The following ADGRD1 variants were observed in gnomAD, a reference collection of about 807,000 sequenced individuals.
The protein encoded by ADGRD1 is G-protein coupled receptor 133.
In ADGRD1, 77 loss-of-function variants were observed where a neutral mutation model predicts 113.4. That is an observed-to-expected ratio of 0.68 (90% CI 0.57 to 0.82). ADGRD1 has a LOEUF of 0.82. ADGRD1 is among the 40% of genes least tolerant of loss of function. The pLI, the probability that ADGRD1 is intolerant of heterozygous loss-of-function variation, is 0.00. For synonymous variants in ADGRD1, 474 were observed against 475.0 expected, an observed-to-expected ratio of 1.00 and a Z score of 0.03; for missense variants, 1,036 against 1,139.1, an observed-to-expected ratio of 0.91 and a Z score of 1.30.
chr12:131,093,375 G>T (rs1221381792), intron 15 of ADGRD1, among the ~76,000 whole-genome samples: 1 of 152,196 alleles, frequency 6.6e-6, no homozygotes, highest in Admixed American at 6.5e-5. Context: ...GGGCACCGTG[G>T]GGGCACACCA....
At position 131,103,610 on chromosome 12, in the gene ADGRD1, C is replaced by T. The variant is rs372419665; in HGVS notation, c.1672-1221C>T. On this transcript the variant is annotated intron_variant, in intron 15 of 24. Coordinates refer to ENST00000261654, the MANE Select transcript of ADGRD1 (RefSeq NM_198827.5). ...CCTGAGCTGGGGCCCCCTGGGCCTG[C>T]GGCATCTCCTCCCTCATTGCCAACA... 1.1e-4 allele frequency among the ~76,000 whole-genome samples: 17 copies of T among 152,376 alleles called. 1 individual carries two copies. The South Asian group carries it at 1.4e-3, about 13-fold the overall frequency.
chr12:130,968,691 C>A, intron 3 of ADGRD1: 1 of 436,606 alleles, frequency 2.3e-6, no homozygotes, highest in Non-Finnish European at 4.1e-6. Context: ...AAGTATCTGC[C>A]TATGTGTTGG....
intron 4 of ADGRD1, among the ~76,000 whole-genome samples, chr12:130,980,005 C>G (rs1872755614): frequency 6.6e-6 from 1 of 152,236 alleles, no homozygotes; most frequent in Non-Finnish European, 1.5e-5. Context: ...GCCCTGACTT[C>G]CCCTTCAGCA....
At chr12:131,009,906 C>T (rs149634634) in intron 12 of ADGRD1, among the ~76,000 whole-genome samples, 2 of 152,290 alleles carry the variant, frequency 1.3e-5, no homozygotes, top group Non-Finnish European at 2.9e-5. Context: ...GAAGCCTATG[C>T]GTTGTACTGT....
intron 14 of ADGRD1, among the ~76,000 whole-genome samples, chr12:131,078,065 T>C (rs974370645): frequency 5.9e-5 from 9 of 152,188 alleles, no homozygotes; most frequent in Admixed American, 6.5e-5. Flanking sequence ...GTGCCTGGAC[T>C]CACTTCCCCA....
chr12:131,005,832 G>C, intron 11 of ADGRD1, 140 bp from the exon 12 acceptor site: 1 of 684,956 alleles, frequency 1.5e-6, no homozygotes, highest in South Asian at 1.6e-5. Flanking sequence ...AATTCTGCCC[G>C]AGTGTCCTTC....
In ADGRD1 at chr12:130,954,392, A is replaced by C; in HGVS notation, c.-74A>C. 1 of 1,280,752 alleles carries C rather than the reference A, an allele frequency of 7.8e-7. No individual in the cohort carries two copies. The highest frequency in any genetic ancestry group is 1.1e-6 in the Non-Finnish European group (1 of 929,724). The allele number at this position is 1,280,752 out of a possible 1,614,324, so 79.3% of individuals were successfully genotyped here. On this transcript the variant is annotated 5_prime_UTR_variant, in exon 1 of 25. Transcript: ENST00000261654. The surrounding 1 kb of genome is among the most constrained non-coding windows in gnomAD (Gnocchi z 4.7). Reference sequence around the variant, plus strand: ...AAAATGTCCCTTTTCCAAGGAAGTGAAGGTTAAGAGGTCCCGTTCTCACAG... The same window carrying C: ...AAAATGTCCCTTTTCCAAGGAAGTGCAGGTTAAGAGGTCCCGTTCTCACAG...
chr12:131,122,216 C>G (rs973254633), intron 20 of ADGRD1, among the ~76,000 whole-genome samples: 1 of 152,094 alleles, frequency 6.6e-6, no homozygotes, highest in Non-Finnish European at 1.5e-5. Context: ...GCGCGGGGCG[C>G]CACGAGCCGA....
chr12:131,108,071 G>C (rs760814810), intron 17 of ADGRD1, among the ~76,000 whole-genome samples: 7 of 152,186 alleles, frequency 4.6e-5, no homozygotes, highest in Non-Finnish European at 8.8e-5. Context: ...CTCCGTCCTG[G>C]GCACCTGGGG....
At position 130,966,911 on chromosome 12, in the gene ADGRD1, T is replaced by C; in HGVS notation, c.187+365T>C. 1 of 442,628 alleles carries C rather than the reference T, an allele frequency of 2.3e-6. No individual in the cohort carries two copies. Among genetic ancestry groups the C allele is most frequent in the South Asian group, 1.6e-5 (1 of 62,552 alleles). 27.4% of individuals were successfully genotyped at this position (442,628 alleles called of 1,614,324 possible). On this transcript the variant is annotated intron_variant, in intron 3 of 24. Coordinates refer to ENST00000261654, the MANE Select transcript of ADGRD1 (RefSeq NM_198827.5). This position sits in a 1 kb window ranked among gnomAD's most constrained non-coding sequence, Gnocchi z 4.6. ...CTGGAATTACAGGCGTGAGCCACTG[T>C]GCCAGGCCACGAAGCATTTTACTAG...
At position 131,067,719 on chromosome 12, in the gene ADGRD1, C is replaced by A. The variant is rs1379480784; in HGVS notation, c.1474-9082C>A. On this transcript the variant is annotated intron_variant, in intron 13 of 24. Coordinates refer to ENST00000261654, the MANE Select transcript of ADGRD1 (RefSeq NM_198827.5). ...CTTCTGAGCAGGGGCTGCCCTCTGC[C>A]TCCTGTATTTCTGATCGCTGTGCCC... 5.8e-5 allele frequency among the ~76,000 whole-genome samples: 4 copies of A among 69,178 alleles called. 1 individual carries two copies. The highest frequency in any genetic ancestry group is 4.7e-4 in the Admixed American group (4 of 8,596). 45.4% of individuals were successfully genotyped at this position (69,178 alleles called of 152,430 possible).
At chr12:131,087,389 G>A (rs1469740472) in intron 15 of ADGRD1, among the ~76,000 whole-genome samples, 13 of 152,162 alleles carry the variant, frequency 8.5e-5, no homozygotes, top group Non-Finnish European at 1.8e-4. Flanking sequence ...TTGGCGCTGC[G>A]TGAGATGAAA....
Position 131,014,350 on chromosome 12 carries a change from G to C in ADGRD1, c.1473+10G>C, listed in dbSNP as rs372625538. 6.2e-7 allele frequency: 1 copy of C among 1,607,868 alleles called. No individual in the cohort carries two copies. Among genetic ancestry groups the C allele is most frequent in the East Asian group, 2.2e-5 (1 of 44,562 alleles). On this transcript the variant is annotated intron_variant, in intron 13 of 24. Transcript: ENST00000261654. ...CCTCAAGCACAGATTGGTGAGTGGCGGTGCCTTCACCCTTGTCGCCGCCTT... is the reference window on the plus strand; with the variant it reads ...CCTCAAGCACAGATTGGTGAGTGGCCGTGCCTTCACCCTTGTCGCCGCCTT...
chr12:131,029,745 G>T (rs10848268), intron 13 of ADGRD1, among the ~76,000 whole-genome samples: 1 of 147,758 alleles, frequency 6.8e-6, no homozygotes, highest in Non-Finnish European at 1.5e-5. Context: ...AGGCTCTGGG[G>T]TTAGGTTGTG....
At chr12:131,021,777 G>A (rs533647125) in intron 13 of ADGRD1, among the ~76,000 whole-genome samples, 70 of 152,200 alleles carry the variant, frequency 4.6e-4, no homozygotes, top group Middle Eastern at 3.4e-3. Context: ...GTGCAGTCAC[G>A]GCTCACTGCA....
At chr12:131,101,373 C>CTTT (rs796951608) in intron 15 of ADGRD1, among the ~76,000 whole-genome samples, 15 of 79,352 alleles carry the variant, frequency 1.9e-4, no homozygotes, top group African/African-American at 3.8e-4. Flanking sequence ...CTTTTTCTTT[C>CTTT]TTTCTTTTTT....
chr12:130,990,886 C>A, intron 6 of ADGRD1, 128 bp from the exon 7 acceptor site: 1 of 652,098 alleles, frequency 1.5e-6, no homozygotes, highest in East Asian at 2.8e-5. Flanking sequence ...AGCAACATTC[C>A]TACTCAAAAC....
In ADGRD1 at chr12:131,104,845, C is replaced by A; in HGVS notation, c.1686C>A (p.His562Gln). The A allele has an allele frequency of 6.5e-7, 1 of 1,548,590 alleles. No individual in the cohort carries two copies. Among genetic ancestry groups the A allele is most frequent in the South Asian group, 1.2e-5 (1 of 83,966 alleles). ...GCTCCCCGCAGCTTGCACGCGGACACCAGGTGGCGCTGTCGTCTATCAGCT... is the reference window on the plus strand; with the variant it reads ...GCTCCCCGCAGCTTGCACGCGGACAACAGGTGGCGCTGTCGTCTATCAGCT... ...QVVPLELARG[H>Q]QVALSSISYV... The change falls in exon 16 of 25, where the codon CAC becomes CAA. Residue 562 changes from histidine to glutamine, a missense_variant. Physicochemically the swap from His to Gln is conservative, Grantham distance 24. Transcript: ENST00000261654.
chr12:131,106,497 G>A (rs376130599), intron 17 of ADGRD1, among the ~76,000 whole-genome samples: 14 of 152,200 alleles, frequency 9.2e-5, no homozygotes, highest in East Asian at 5.8e-4. Flanking sequence ...GTTGATGGAA[G>A]AGAAAAACAG....
Sources: allele counts gnomAD v4.1 joint callset (sites outside exome capture counted in the v4.1 genomes callset), GRCh38; gene constraint gnomAD v4.1.1; non-coding constraint Gnocchi (gnomAD v3.1); transcripts MANE v1.5; gene names NCBI Gene and HGNC (gene_info 2026-07-23, HGNC 2026-07-21).